Variants in RGS6 observed in about 807,000 individuals in gnomAD.
RGS6 encodes the protein regulator of G-protein signaling 6.
In RGS6, 30 loss-of-function variants were observed where a neutral mutation model predicts 78.5. The observed-to-expected ratio is 0.38, with a 90% CI of 0.29 to 0.52. RGS6 has a LOEUF of 0.52. Among genes scored for constraint, RGS6 ranks in the 20% least tolerant of loss-of-function variants. The probability of loss-of-function intolerance (pLI) is 0.85; values close to 1 mark genes in which losing one functional copy is unlikely to be tolerated. For synonymous variants in RGS6, 206 were observed against 206.0 expected (o/e 1.00, Z 0.00); for missense variants, 495 against 609.7 (o/e 0.81, Z 1.98).
rs970815153 is a variant in RGS6 at position 72,025,940 on chromosome 14, A to G, written c.84+61065A>G. 3.3e-5 allele frequency among the ~76,000 whole-genome samples: 5 copies of G among 152,196 alleles called. 1 individual carries two copies. The highest frequency in any genetic ancestry group is 4.8e-5 in the African/African-American group (2 of 41,448). Reference sequence around the variant, plus strand: ...AAACCTCAAAATAAAAGCTTTCACTATCAGTAACACAGCAAAAAACAATTA... The same window carrying G: ...AAACCTCAAAATAAAAGCTTTCACTGTCAGTAACACAGCAAAAAACAATTA... On this transcript the variant is annotated intron_variant, in intron 2 of 17. Transcript: ENST00000553525.
rs545511066 is a variant in RGS6 at position 72,476,645 on chromosome 14, G to T, written c.694-97G>T. ...GACCAATCTCTTATTGTCATGAGGG[G>T]ATTCACGAAATTGGATGAGTCATTG... On this transcript the variant is annotated intron_variant, in intron 10 of 17. Transcript: ENST00000553525. 4.9e-6 allele frequency: 4 copies of T among 813,230 alleles called. No homozygotes were observed. In the South Asian group the frequency reaches 6.5e-5, roughly 13 times the overall value. The allele number at this position is 813,230 out of a possible 1,614,324, so 50.4% of individuals were successfully genotyped here. A position where few individuals can be genotyped will look rare whatever the true frequency, so the allele number is the denominator to read the frequency against.
At chr14:72,462,715 C>T (rs921577336) in intron 6 of RGS6, among the ~76,000 whole-genome samples, 2 of 152,200 alleles carry the variant, frequency 1.3e-5, no homozygotes, top group East Asian at 1.9e-4. Context: ...GGAAACTCTG[C>T]ACTGGTCCTC....
the RGS6 span, among the ~76,000 whole-genome samples, chr14:72,613,697 G>A: frequency 6.6e-6 from 1 of 152,200 alleles, no homozygotes; most frequent in Non-Finnish European, 1.5e-5. Flanking sequence ...CCCTCATGCA[G>A]GGAGTTCCCT....
intron 2 of RGS6, among the ~76,000 whole-genome samples, chr14:72,232,377 C>T (rs1319541054): frequency 1.3e-5 from 2 of 152,196 alleles, no homozygotes; most frequent in East Asian, 3.9e-4. Flanking sequence ...TGCATGCAGG[C>T]AGGTGCTTGA....
intron 3 of RGS6, among the ~76,000 whole-genome samples, chr14:72,388,677 C>A (rs1168460129): frequency 6.6e-6 from 1 of 152,136 alleles, no homozygotes; most frequent in Non-Finnish European, 1.5e-5. Context: ...TATTGCTGCA[C>A]CCTCTGTCCT....
At chr14:72,370,741 A>G (rs778157642) in intron 3 of RGS6, among the ~76,000 whole-genome samples, 2 of 152,262 alleles carry the variant, frequency 1.3e-5, no homozygotes, top group Non-Finnish European at 2.9e-5. Context: ...AACATCAATC[A>G]TGGTAACATG....
At chr14:72,477,040 C>T in intron 11 of RGS6, 200 bp downstream of exon 11, 1 of 557,272 alleles carries the variant, frequency 1.8e-6, no homozygotes, top group Non-Finnish European at 3.2e-6. Context: ...CTACCCAGTT[C>T]CTCCAGCAGT....
intron 1 of RGS6, among the ~76,000 whole-genome samples, chr14:71,953,652 C>G (rs1329280326): frequency 6.6e-6 from 1 of 151,654 alleles, no homozygotes; most frequent in Non-Finnish European, 1.5e-5. Context: ...ATATGCTAGC[C>G]TTTTAAAAAA....
chr14:71,932,081 C>T (rs1309582927), upstream of RGS6, among the ~76,000 whole-genome samples: 1 of 152,198 alleles, frequency 6.6e-6, no homozygotes, highest in Non-Finnish European at 1.5e-5. Context: ...CTGAAGTTTC[C>T]GGACCGGGCC....
At chr14:72,150,673 A>T (rs906037014) in intron 2 of RGS6, among the ~76,000 whole-genome samples, 4 of 152,008 alleles carry the variant, frequency 2.6e-5, no homozygotes, top group African/African-American at 9.7e-5. Flanking sequence ...GAGGTGCTAC[A>T]TACTTCTAAA....
In RGS6 at chr14:72,145,866, T is replaced by C. The variant is rs193181713; in HGVS notation, c.84+180991T>C. On this transcript the variant is annotated intron_variant, in intron 2 of 17. Coordinates refer to ENST00000553525, the MANE Select transcript of RGS6 (RefSeq NM_001204424.2). ...ATGTATAGTAGAGGAATCTCATCTG[T>C]CTAGGGATAAAGGGCTCCCCTGTGG... Among the ~76,000 whole-genome samples the C allele has an allele frequency of 6.6e-3, 1,012 of 152,258 alleles. 32 individuals carry two copies. The highest frequency in any genetic ancestry group is 0.059 in the Admixed American group (907 of 15,290).
At chr14:72,383,579 C>G (rs1292643329) in intron 3 of RGS6, among the ~76,000 whole-genome samples, 1 of 152,092 alleles carries the variant, frequency 6.6e-6, no homozygotes, top group Admixed American at 6.6e-5. Flanking sequence ...CATAAACAGA[C>G]AGTATTTCTG....
chr14:72,156,446 T>G (rs1004825347), intron 2 of RGS6, among the ~76,000 whole-genome samples: 1 of 80,534 alleles, frequency 1.2e-5, no homozygotes, highest in African/African-American at 5.6e-5. Context: ...AGGGTGAGAC[T>G]CCATCTCAAA....
intron 2 of RGS6, among the ~76,000 whole-genome samples, chr14:72,144,128 T>C (rs1390572310): frequency 6.6e-6 from 1 of 152,228 alleles, no homozygotes; most frequent in Non-Finnish European, 1.5e-5. Flanking sequence ...TGGAGAGCCA[T>C]CATGCTTCCT....
chr14:71,950,838 G>A (rs1440943953), intron 1 of RGS6, among the ~76,000 whole-genome samples: 3 of 152,124 alleles, frequency 2.0e-5, no homozygotes, highest in African/African-American at 4.8e-5. Context: ...TTAGAGAAAT[G>A]CAAATCAAAA....
chr14:71,874,468 C>T, the RGS6 span, among the ~76,000 whole-genome samples: 2 of 152,146 alleles, frequency 1.3e-5, no homozygotes, highest in Non-Finnish European at 2.9e-5. Flanking sequence ...TATAGGAATG[C>T]TTGTGATTTT....
At chr14:72,453,338 G>A (rs1408847089) in intron 3 of RGS6, among the ~76,000 whole-genome samples, 2 of 152,058 alleles carry the variant, frequency 1.3e-5, no homozygotes, top group South Asian at 2.1e-4. Flanking sequence ...CTTCAGGGCC[G>A]GGCGCGGTGG....
At chr14:72,422,593 A>G (rs999872122) in intron 3 of RGS6, among the ~76,000 whole-genome samples, 5 of 152,176 alleles carry the variant, frequency 3.3e-5, no homozygotes, top group South Asian at 4.1e-4. Flanking sequence ...GGAGAGCCCT[A>G]TGTACTCAGG....
chr14:72,324,965 C>A (rs1479953265), intron 2 of RGS6, among the ~76,000 whole-genome samples: 2 of 152,166 alleles, frequency 1.3e-5, no homozygotes, highest in Non-Finnish European at 2.9e-5. Flanking sequence ...AGTTTACAGC[C>A]CCACAAACAG....
Sources: gnomAD v4.1 joint callset for allele counts (sites outside exome capture counted in the v4.1 genomes callset) on GRCh38, gnomAD v4.1.1 for gene constraint, MANE v1.5 for transcripts, NCBI Gene and HGNC (gene_info 2026-07-23, HGNC 2026-07-21) for gene names.